Variants in SGMS1 observed in about 807,000 individuals in gnomAD.
The protein encoded by SGMS1 is phosphatidylcholine:ceramide cholinephosphotransferase 1.
A neutral mutation model predicts 46.2 loss-of-function variants in SGMS1; 13 were observed. The ratio of observed to expected loss-of-function variants is 0.28; its 90% CI spans 0.18 to 0.45. The LOEUF is 0.45. SGMS1 is among the 20% of genes least tolerant of loss of function. The pLI is 1.00. For missense variants in SGMS1, 324 were observed against 519.9 expected (o/e 0.62, Z 3.66); for synonymous variants, 203 against 187.8 (o/e 1.08, Z -0.66).
At chr10:50,346,645 G>A (rs534365662) in intron 6 of SGMS1, among the ~76,000 whole-genome samples, 1 of 152,132 alleles carries the variant, frequency 6.6e-6, no homozygotes, top group South Asian at 2.1e-4. Context: ...CTTCATCAAG[G>A]CTGTCCTACT....
chr10:50,450,888 C>G (rs569788480), intron 5 of SGMS1, among the ~76,000 whole-genome samples: 1 of 151,642 alleles, frequency 6.6e-6, no homozygotes, highest in Admixed American at 6.6e-5. Context: ...GAAATATACT[C>G]ATTACATTAA....
chr10:50,532,425 T>TA (rs1309784939), intron 2 of SGMS1, among the ~76,000 whole-genome samples: 2 of 152,180 alleles, frequency 1.3e-5, no homozygotes, highest in Non-Finnish European at 2.9e-5. Context: ...AGTATAAGTA[T>TA]AGCTCATATC....
rs570498206 is a variant in SGMS1, at chr10:50,322,558, C to G, written c.741+4647G>C. Among the ~76,000 whole-genome samples the G allele has an allele frequency of 2.3e-3, 355 of 152,258 alleles. 1 individual carries two copies. Among genetic ancestry groups the G allele is most frequent in the African/African-American group, 8.2e-3 (341 of 41,548 alleles). On this transcript the variant is annotated intron_variant, in intron 8 of 10. Transcript: ENST00000361781. ...TAAAAAGATGAGAAGAGGGGCCGGG[C>G]GCGGTGGCTCACGCCTGTAATCCCA...
intron 6 of SGMS1, among the ~76,000 whole-genome samples, chr10:50,356,170 G>A (rs1433524871): frequency 6.6e-6 from 1 of 152,238 alleles, no homozygotes; most frequent in Admixed American, 6.5e-5. Context: ...TGTCTGTGTA[G>A]AAAGAAGTAG....
chr10:50,368,130 T>C (rs925877349), intron 6 of SGMS1, among the ~76,000 whole-genome samples: 5 of 152,330 alleles, frequency 3.3e-5, no homozygotes, highest in African/African-American at 7.2e-5. Flanking sequence ...TCTATATCCA[T>C]GTGATTTTAA....
intron 2 of SGMS1, among the ~76,000 whole-genome samples, chr10:50,550,359 A>G (rs140427028): frequency 3.9e-5 from 6 of 152,264 alleles, no homozygotes; most frequent in African/African-American, 1.4e-4. Context: ...AAATTTCCCA[A>G]TGAAGCAACT....
chr10:50,342,497 A>G (rs1236829016), intron 7 of SGMS1: 3 of 152,250 alleles, frequency 2.0e-5, no homozygotes, highest in African/African-American at 4.8e-5. Context: ...ATCAGGTTAA[A>G]AAAAAGAGTT....
At chr10:50,587,361 G>A (rs760201619) in intron 2 of SGMS1, among the ~76,000 whole-genome samples, 16 of 152,356 alleles carry the variant, frequency 1.1e-4, no homozygotes, top group African/African-American at 3.1e-4. Flanking sequence ...TTGGCCGGGC[G>A]TGGCAGCTCA....
At chr10:50,344,686 G>A (rs955711348) in intron 6 of SGMS1, among the ~76,000 whole-genome samples, 4 of 151,894 alleles carry the variant, frequency 2.6e-5, no homozygotes, top group Admixed American at 6.6e-5. Context: ...TGGCTAACAC[G>A]GTGAAACCCT....
chr10:50,333,496 C>A (rs779577068), intron 7 of SGMS1, among the ~76,000 whole-genome samples: 6 of 152,280 alleles, frequency 3.9e-5, no homozygotes, highest in South Asian at 2.1e-4. Flanking sequence ...GGACTGCAAA[C>A]CCCTGGAGAT....
chr10:50,316,994 A>C (rs1183998001), intron 8 of SGMS1, among the ~76,000 whole-genome samples: 1 of 152,218 alleles, frequency 6.6e-6, no homozygotes, highest in Non-Finnish European at 1.5e-5. Context: ...AGGTTTCCCC[A>C]AGTATTTTTC....
chr10:50,527,000 G>C (rs1272461859), intron 2 of SGMS1, among the ~76,000 whole-genome samples: 1 of 148,604 alleles, frequency 6.7e-6, no homozygotes, highest in Non-Finnish European at 1.5e-5. Context: ...GTGAGGTGGA[G>C]GTTGCAGTGA....
intron 2 of SGMS1, among the ~76,000 whole-genome samples, chr10:50,583,593 G>A (rs894139951): frequency 6.6e-6 from 1 of 152,204 alleles, no homozygotes; most frequent in African/African-American, 2.4e-5. Context: ...GCTGCTAGAA[G>A]TCTCCATTCA....
chr10:50,574,483 C>A (rs950018534), intron 2 of SGMS1, among the ~76,000 whole-genome samples: 16 of 152,118 alleles, frequency 1.1e-4, no homozygotes, highest in Non-Finnish European at 2.2e-4. Context: ...ATTTAAAAGA[C>A]AAAAGATAAC....
At chr10:50,615,588 C>A (rs575391997) in intron 1 of SGMS1, among the ~76,000 whole-genome samples, 1 of 152,324 alleles carries the variant, frequency 6.6e-6, no homozygotes, top group Non-Finnish European at 1.5e-5. Context: ...TACTATAAGA[C>A]AGAGAGCTAT....
intron 3 of SGMS1, among the ~76,000 whole-genome samples, chr10:50,477,311 T>C (rs1837436210): frequency 1.3e-5 from 2 of 152,244 alleles, no homozygotes; most frequent in South Asian, 4.1e-4. Context: ...ATGGGGCCTA[T>C]AGGCCCTCTG....
At chr10:50,495,256 A>AAT (rs1837604735) in intron 3 of SGMS1, among the ~76,000 whole-genome samples, 1 of 130,954 alleles carries the variant, frequency 7.6e-6, no homozygotes, top group African/African-American at 2.9e-5. Flanking sequence ...AAAAAAAAAA[A>AAT]GTTAAGAAAA....
At chr10:50,494,256 G>T (rs933324087) in intron 3 of SGMS1, among the ~76,000 whole-genome samples, 10 of 152,160 alleles carry the variant, frequency 6.6e-5, no homozygotes, top group Non-Finnish European at 1.5e-4. Context: ...AATACCATTT[G>T]ACCCAGCCAT....
chr10:50,552,575 T>C (rs868098530), intron 2 of SGMS1, among the ~76,000 whole-genome samples: 32 of 152,190 alleles, frequency 2.1e-4, no homozygotes, highest in Admixed American at 1.4e-3. Flanking sequence ...TTTTAACATC[T>C]GTGTCCTGCA....
Sources: allele counts gnomAD v4.1 joint callset (sites outside exome capture counted in the v4.1 genomes callset), GRCh38; gene constraint gnomAD v4.1.1; transcripts MANE v1.5; gene names NCBI Gene and HGNC (gene_info 2026-07-23, HGNC 2026-07-21).